The following COL23A1 variants were observed in gnomAD, a reference collection of about 807,000 sequenced individuals.
COL23A1 encodes the protein collagen alpha-1(XXIII) chain.
A neutral mutation model predicts 99.3 loss-of-function variants in COL23A1; 97 were observed. The ratio of observed to expected loss-of-function variants is 0.98; its 90% CI spans 0.83 to 1.16. COL23A1 has a LOEUF of 1.16. Among genes scored for constraint, COL23A1 ranks in the 50% most tolerant of loss-of-function variants. The pLI, the probability that COL23A1 is intolerant of heterozygous loss-of-function variation, is 0.00. For synonymous variants in COL23A1, 320 were observed against 308.2 expected (o/e 1.04, Z -0.40); for missense variants, 762 against 757.4 (o/e 1.01, Z -0.07).
chr5:178,346,439 T>C (rs1354248472), intron 2 of COL23A1, among the ~76,000 whole-genome samples: 1 of 152,162 alleles, frequency 6.6e-6, no homozygotes, highest in Admixed American at 6.5e-5. Flanking sequence ...TTTCACCATG[T>C]TGGCCAGGCT....
chr5:178,409,359 CA>C (rs1764945275), intron 2 of COL23A1, among the ~76,000 whole-genome samples: 1 of 152,142 alleles, frequency 6.6e-6, no homozygotes, highest in Admixed American at 6.5e-5. Flanking sequence ...CTTAAAATGA[CA>C]AATGTAAAGC....
intron 2 of COL23A1, among the ~76,000 whole-genome samples, chr5:178,533,251 G>C (rs1361689698): frequency 6.6e-6 from 1 of 152,154 alleles, no homozygotes; most frequent in Non-Finnish European, 1.5e-5. Context: ...ACAATTCACT[G>C]GCATTAAGTA....
In COL23A1 at chr5:178,306,120, G is replaced by A. The variant is rs149865767; in HGVS notation, c.406+755C>T. ...TTCATTCACGGGGCAGGTGGGTCCC[G>A]TGAGAATGGCAAAGGAGCCCGGGTC... On this transcript the variant is annotated intron_variant, in intron 3 of 28. Transcript: ENST00000390654. This position sits in a 1 kb window ranked among gnomAD's most constrained non-coding sequence, Gnocchi z 4.1. Among the ~76,000 whole-genome samples, 4 of 152,232 alleles carry A rather than the reference G, an allele frequency of 2.6e-5. No homozygotes were observed. The East Asian group carries it at 7.7e-4, about 29-fold the overall frequency.
intron 5 of COL23A1, among the ~76,000 whole-genome samples, chr5:178,282,017 A>C (rs1756925682): frequency 7.6e-6 from 1 of 131,798 alleles, no homozygotes; most frequent in African/African-American, 2.8e-5. Context: ...ATGCCACTGC[A>C]CTCCAGCCTG....
chr5:178,539,076 G>A (rs980065134), intron 2 of COL23A1, among the ~76,000 whole-genome samples: 2 of 152,208 alleles, frequency 1.3e-5, no homozygotes, highest in Non-Finnish European at 1.5e-5. Context: ...CTGTAGGAAG[G>A]GGCTTAGGGG....
chr5:178,337,208 C>T (rs1760381285), intron 2 of COL23A1, among the ~76,000 whole-genome samples: 1 of 152,236 alleles, frequency 6.6e-6, no homozygotes, highest in Non-Finnish European at 1.5e-5. Flanking sequence ...GAGCCATCCT[C>T]CCCACAGCCT....
At chr5:178,243,538 A>G (rs1246465848) in intron 25 of COL23A1, among the ~76,000 whole-genome samples, 2 of 151,950 alleles carry the variant, frequency 1.3e-5, no homozygotes, top group East Asian at 3.9e-4. Flanking sequence ...TGGATTCGAC[A>G]TGGTCCCTTG....
At chr5:178,449,971 C>T (rs545708171) in intron 2 of COL23A1, among the ~76,000 whole-genome samples, 29 of 152,292 alleles carry the variant, frequency 1.9e-4, no homozygotes, top group Middle Eastern at 6.8e-3. Context: ...GTGTCTGCCA[C>T]ACCTCAGCAA....
chr5:178,337,351 A>C (rs533280448), intron 2 of COL23A1, among the ~76,000 whole-genome samples: 1 of 152,328 alleles, frequency 6.6e-6, no homozygotes, highest in East Asian at 1.9e-4. Context: ...TTTGTAAACC[A>C]ACAGATTTCA....
At chr5:178,358,703 ATGTGTGTATGTG>A (rs1356664589) in intron 2 of COL23A1, among the ~76,000 whole-genome samples, 3 of 134,982 alleles carry the variant, frequency 2.2e-5, no homozygotes, top group Admixed American at 7.3e-5. Context: ...ATGTATGTGT[ATGTGTGTATGTG>A]TGTATGTGTA....
At chr5:178,328,094 TGGCAGACCCAGCCTCCCTGCCTG>T (rs1001054419) in intron 2 of COL23A1, among the ~76,000 whole-genome samples, 1 of 152,084 alleles carries the variant, frequency 6.6e-6, no homozygotes, top group African/African-American at 2.4e-5. Flanking sequence ...CCCTGGGAGC[TGGCAGACCCAGCCTCCCTGCCTG>T]GGTGCGGAGG....
At chr5:178,262,761 G>A (rs1387351334) in intron 9 of COL23A1, among the ~76,000 whole-genome samples, 1 of 152,180 alleles carries the variant, frequency 6.6e-6, no homozygotes, top group Non-Finnish European at 1.5e-5. Flanking sequence ...GTTGAGTCAG[G>A]ATTGGGACTG....
At chr5:178,513,453 T>TG (rs1335192264) in intron 2 of COL23A1, among the ~76,000 whole-genome samples, 1 of 152,140 alleles carries the variant, frequency 6.6e-6, no homozygotes, top group African/African-American at 2.4e-5. Context: ...ACAACACAGA[T>TG]GTATTATCTT....
At chr5:178,527,860 G>A (rs7715224) in intron 2 of COL23A1, among the ~76,000 whole-genome samples, 6,267 of 152,288 alleles carry the variant, frequency 0.041, 221 homozygotes, top group African/African-American at 0.096. Context: ...GATACAGCCC[G>A]AAATGGAAAA....
intron 1 of COL23A1, among the ~76,000 whole-genome samples, chr5:178,585,524 A>T (rs13158409): frequency 0.25 from 13,212 of 53,850 alleles, 1,519 homozygotes; most frequent in Middle Eastern, 0.46. Flanking sequence ...ACGTCCCTGG[A>T]TGACGCTGGA....
chr5:178,446,643 T>C (rs1166759208), intron 2 of COL23A1, among the ~76,000 whole-genome samples: 4 of 152,232 alleles, frequency 2.6e-5, no homozygotes, highest in East Asian at 1.9e-4. Context: ...TTTTTAAACA[T>C]TGCTGACAGC....
chr5:178,579,289 AC>A (rs1489314754), intron 1 of COL23A1, among the ~76,000 whole-genome samples: 4 of 152,262 alleles, frequency 2.6e-5, no homozygotes, highest in Non-Finnish European at 5.9e-5. Flanking sequence ...CGCTTGGGAT[AC>A]ATCCCCTTGT....
intron 2 of COL23A1, among the ~76,000 whole-genome samples, chr5:178,481,256 C>T (rs967025468): frequency 7.3e-5 from 11 of 151,258 alleles, no homozygotes; most frequent in Admixed American, 6.6e-4. Context: ...ATGACCTAAA[C>T]TTAAGAGTAA....
At chr5:178,284,685 C>T (rs904392731) in intron 5 of COL23A1, among the ~76,000 whole-genome samples, 1 of 151,994 alleles carries the variant, frequency 6.6e-6, no homozygotes, top group Non-Finnish European at 1.5e-5. Context: ...AATGATATAT[C>T]GGATCAAATA....
Sources: allele counts gnomAD v4.1 joint callset (sites outside exome capture counted in the v4.1 genomes callset), GRCh38; gene constraint gnomAD v4.1.1; non-coding constraint Gnocchi (gnomAD v3.1); transcripts MANE v1.5; gene names NCBI Gene and HGNC (gene_info 2026-07-23, HGNC 2026-07-21).